The following AFAP1 variants were observed in gnomAD, a reference collection of about 807,000 sequenced individuals.
The protein encoded by AFAP1 is actin filament associated protein 1.
Under a neutral mutation model 93.9 loss-of-function variants are expected in AFAP1, and 75 were observed. The ratio of observed to expected loss-of-function variants is 0.80; its 90% CI spans 0.66 to 0.97. The LOEUF is 0.97. AFAP1 is among the 50% of genes least tolerant of loss of function. The probability of loss-of-function intolerance (pLI) is 0.00; values close to 1 mark genes in which losing one functional copy is unlikely to be tolerated. For missense variants in AFAP1, 1,201 were observed against 1,050.8 expected (o/e 1.14, Z -1.98); for synonymous variants, 517 against 430.7 (o/e 1.20, Z -2.48).
At position 7,800,630 on chromosome 4, in the gene AFAP1, T is replaced by C; in HGVS notation, c.1078A>G (p.Ser360Gly). ...TCGYLNVLSN[S>G]RWRERWCRVK... The stretch of plus-strand genomic sequence containing the variant: ...CGGCACCAGCGCTCTCGCCAGCGGC[T>C]GTTGGAGAGCACGTTCAGATAGCCT... Residue 360 changes from serine to glycine, a missense_variant, in exon 10 of 18, where the codon AGC (serine) becomes GGC (glycine). Transcript: ENST00000420658. 6.2e-7 allele frequency: 1 copy of C among 1,614,190 alleles called. No individual in the cohort carries two copies. The highest frequency in any genetic ancestry group is 2.2e-5 in the East Asian group (1 of 44,882).
intron 1 of AFAP1, among the ~76,000 whole-genome samples, chr4:7,893,996 G>C (rs1718626241): frequency 3.9e-5 from 6 of 152,190 alleles, no homozygotes; most frequent in Admixed American, 3.9e-4. Flanking sequence ...CAAATCACCA[G>C]CAAAGACCTC....
At chr4:7,860,237 G>A (rs1358367714) in intron 3 of AFAP1, among the ~76,000 whole-genome samples, 1 of 152,076 alleles carries the variant, frequency 6.6e-6, no homozygotes, top group African/African-American at 2.4e-5. Context: ...CAAAATGCTT[G>A]GGACCAGAAA....
chr4:7,846,782 C>T (rs1336332835), intron 4 of AFAP1, among the ~76,000 whole-genome samples: 5 of 152,130 alleles, frequency 3.3e-5, no homozygotes, highest in Non-Finnish European at 5.9e-5. Context: ...ACCATCTCAC[C>T]GGACCTCCCA....
chr4:7,872,717 T>C (rs1199649947), intron 1 of AFAP1, among the ~76,000 whole-genome samples: 1 of 152,148 alleles, frequency 6.6e-6, no homozygotes, highest in Non-Finnish European at 1.5e-5. Context: ...TCTTAGCCTC[T>C]GGGGATGTGA....
chr4:7,874,099 A>G (rs1438526936), intron 1 of AFAP1, among the ~76,000 whole-genome samples: 11 of 152,268 alleles, frequency 7.2e-5, no homozygotes, highest in Admixed American at 7.2e-4. Context: ...TATTTGGAAG[A>G]TCTGCACAAC....
chr4:7,855,683 T>C (rs1714969830), intron 3 of AFAP1, 109 bp from the exon 4 acceptor site: 1 of 911,210 alleles, frequency 1.1e-6, no homozygotes, highest in South Asian at 1.4e-5. Flanking sequence ...CTTTGTAAAG[T>C]CTTCGGCAAA....
intron 4 of AFAP1, among the ~76,000 whole-genome samples, chr4:7,849,116 G>T (rs188006861): frequency 6.6e-6 from 1 of 152,120 alleles, no homozygotes; most frequent in African/African-American, 2.4e-5. Flanking sequence ...GTTCTCAAGG[G>T]GACTGGAGCG....
chr4:7,771,358 A>G (rs1042521885), intron 16 of AFAP1, among the ~76,000 whole-genome samples: 5 of 152,230 alleles, frequency 3.3e-5, no homozygotes, highest in Non-Finnish European at 7.3e-5. Context: ...ATGTACACAC[A>G]CACACACCTT....
intron 4 of AFAP1, among the ~76,000 whole-genome samples, chr4:7,847,371 A>G (rs1713831122): frequency 6.6e-6 from 1 of 152,096 alleles, no homozygotes; most frequent in South Asian, 2.1e-4. Flanking sequence ...GTCCCTAATC[A>G]AGAGAACTCT....
In AFAP1 at chr4:7,781,529, C is replaced by G. The variant is rs932162266; in HGVS notation, c.1629G>C (p.Pro543=). Reference sequence around the variant, plus strand: ...CAGGAGAGTAGCGGGCAAAGATGTGCGGAGGCGGCAAGTTATCGTACAGGC... The same window carrying G: ...CAGGAGAGTAGCGGGCAAAGATGTGGGGAGGCGGCAAGTTATCGTACAGGC... ...NAGLYDNLPP[P]HIFARYSPAD... The change falls in exon 13 of 18, where the codon CCG becomes CCC. Residue 543 remains proline, a synonymous_variant. Transcript: ENST00000420658. The G allele has an allele frequency of 1.3e-6, 2 of 1,552,136 alleles. No homozygotes were observed. The highest frequency in any genetic ancestry group is 2.0e-5 in the Admixed American group (1 of 50,992).
chr4:7,875,524 C>T (rs112025588), intron 1 of AFAP1, among the ~76,000 whole-genome samples: 144 of 151,602 alleles, frequency 9.5e-4, no homozygotes, highest in African/African-American at 3.1e-3. Flanking sequence ...GAGGCTGAGG[C>T]AGAAGGATCA....
At chr4:7,771,540 G>A (rs1318625536) in intron 16 of AFAP1, among the ~76,000 whole-genome samples, 1 of 152,214 alleles carries the variant, frequency 6.6e-6, no homozygotes, top group Admixed American at 6.5e-5. Context: ...GTGTATGTTT[G>A]GGAAGATGTG....
chr4:7,796,189 G>A lies in AFAP1; in HGVS notation c.1267-2363C>T, dbSNP rs577816429. On this transcript the variant is annotated intron_variant, in intron 10 of 17. Transcript: ENST00000420658. ...CCAGATCCTGGCTTCTCAACTCTCC[G>A]CCATTCTCCACTAAAAGGAATCACA... Among the ~76,000 whole-genome samples, 257 of 152,148 alleles carry A rather than the reference G, an allele frequency of 1.7e-3. 2 individuals carry two copies. Among genetic ancestry groups the A allele is most frequent in the African/African-American group, 5.8e-3 (240 of 41,530 alleles).
Position 7,827,709 on chromosome 4 carries a change from C to T in AFAP1, c.727-8538G>A, listed in dbSNP as rs146873676. Among the ~76,000 whole-genome samples, 344 of 151,710 alleles carry T rather than the reference C, an allele frequency of 2.3e-3. 1 individual carries two copies. The highest frequency in any genetic ancestry group is 3.6e-3 in the Admixed American group (55 of 15,230). ...CAACCAACCCTGAGAAAGAGAAAAA[C>T]CCACACCACCGCACTGAGACACATC... On this transcript the variant is annotated intron_variant, in intron 6 of 17. Coordinates refer to ENST00000420658, the MANE Select transcript of AFAP1 (RefSeq NM_001134647.2).
chr4:7,770,570 G>A (rs1001420001), intron 16 of AFAP1, among the ~76,000 whole-genome samples: 4 of 152,196 alleles, frequency 2.6e-5, no homozygotes, highest in African/African-American at 9.7e-5. Flanking sequence ...GGAGCAGGAG[G>A]CCAGGCAGAA....
intron 6 of AFAP1, among the ~76,000 whole-genome samples, chr4:7,819,847 G>A (rs1720811744): frequency 6.6e-6 from 1 of 152,208 alleles, no homozygotes; most frequent in African/African-American, 2.4e-5. Flanking sequence ...TTTAATCCTG[G>A]CTTTAGCCTT....
chr4:7,851,033 G>A (rs1483419789), intron 4 of AFAP1, among the ~76,000 whole-genome samples: 1 of 152,066 alleles, frequency 6.6e-6, no homozygotes, highest in African/African-American at 2.4e-5. Flanking sequence ...CTGCTGTTCT[G>A]ATGAAACCCT....
chr4:7,874,530 ATTTTTTTTTT>A (rs71175435), intron 1 of AFAP1, among the ~76,000 whole-genome samples: 8 of 51,508 alleles, frequency 1.6e-4, no homozygotes, highest in South Asian at 1.7e-3. Context: ...TGCCCAGCTA[ATTTTTTTTTT>A]TTTTTTTTTT....
At chr4:7,798,011 G>C (rs377419415) in intron 10 of AFAP1, among the ~76,000 whole-genome samples, 1 of 152,134 alleles carries the variant, frequency 6.6e-6, no homozygotes, top group African/African-American at 2.4e-5. Context: ...GCAACTTTTC[G>C]GTAACTCTGA....
Sources: gnomAD v4.1 joint callset for allele counts (sites outside exome capture counted in the v4.1 genomes callset) on GRCh38, gnomAD v4.1.1 for gene constraint, MANE v1.5 for transcripts, NCBI Gene and HGNC (gene_info 2026-07-23, HGNC 2026-07-21) for gene names.